Variants in MOXD1 observed in about 807,000 individuals in gnomAD.
MOXD1 encodes the protein monooxygenase DBH like 1, also known as DBH-like monooxygenase protein 1.
Under a neutral mutation model 66.6 loss-of-function variants are expected in MOXD1, and 62 were observed. That is an observed-to-expected ratio of 0.93 (90% CI 0.76 to 1.15). MOXD1 has a LOEUF of 1.15. MOXD1 is among the 50% of genes most tolerant of loss of function. The pLI is 0.00. For missense variants in MOXD1, 847 were observed against 754.6 expected (o/e 1.12, Z -1.44); for synonymous variants, 303 against 281.9 (o/e 1.07, Z -0.75).
chr6:132,340,355 A>G (rs1582581881), intron 4 of MOXD1, among the ~76,000 whole-genome samples: 2 of 152,016 alleles, frequency 1.3e-5, no homozygotes, highest in Non-Finnish European at 2.9e-5. Context: ...CAGACAAGCA[A>G]CGAAGGCTGA....
chr6:132,369,268 T>C (rs1229343542), intron 4 of MOXD1, among the ~76,000 whole-genome samples: 1 of 152,102 alleles, frequency 6.6e-6, no homozygotes, highest in East Asian at 1.9e-4. Context: ...TGCGGCACGT[T>C]GCTGTCAATC....
chr6:132,389,184 A>G (rs1776707791), intron 1 of MOXD1, among the ~76,000 whole-genome samples: 1 of 151,360 alleles, frequency 6.6e-6, no homozygotes, highest in African/African-American at 2.4e-5. Flanking sequence ...GATTATAAGC[A>G]TGAGCCACTG....
At chr6:132,398,583 G>A (rs904171018) in intron 1 of MOXD1, among the ~76,000 whole-genome samples, 4 of 151,906 alleles carry the variant, frequency 2.6e-5, no homozygotes, top group African/African-American at 9.7e-5. Flanking sequence ...TGTTGTTCTC[G>A]CCGGGAGCAA....
chr6:132,314,536 A>G (rs1399453544), intron 10 of MOXD1, among the ~76,000 whole-genome samples: 1 of 152,216 alleles, frequency 6.6e-6, no homozygotes, highest in African/African-American at 2.4e-5. Flanking sequence ...GTCCTCACTT[A>G]TTCTCTACCA....
At position 132,297,122 on chromosome 6, in the gene MOXD1, G is replaced by GA; in HGVS notation, c.*30dup. ...CTTCAAATGACAGGTTCAGATCATA[G>GA]AAAACATTGTCAAGTCCAACAGAAT... On this transcript the variant is annotated 3_prime_UTR_variant, in exon 12 of 12. Coordinates refer to ENST00000367963, the MANE Select transcript of MOXD1 (RefSeq NM_015529.4). The GA allele has an allele frequency of 6.2e-7, 1 of 1,607,570 alleles. No individual in the cohort carries two copies. The highest frequency in any genetic ancestry group is 8.5e-7 in the Non-Finnish European group (1 of 1,175,454).
Position 132,401,386 on chromosome 6 carries a change from G to T in MOXD1, c.41C>A (p.Pro14His). The T allele has an allele frequency of 6.5e-7, 1 of 1,537,852 alleles. No individual in the cohort carries two copies. Among genetic ancestry groups the T allele is most frequent in the Non-Finnish European group, 8.7e-7 (1 of 1,147,878 alleles). ...WPLLLLWGLL[P>H]GTAAGGSGRT... is the part of the protein sequence containing the mutation. ...GCCCGAGCCCCCCGCCGCCGTCCCG[G>T]GGAGCAGCCCCCACAGCAGGAGCAG... is the stretch of plus-strand genomic sequence containing the variant. Residue 14 changes from proline to histidine, a missense_variant, in exon 1 of 12, where the codon CCC becomes CAC. By Grantham distance (77) the Pro-to-His change is moderately conservative (BLOSUM62 -2). Coordinates refer to ENST00000367963, the MANE Select transcript of MOXD1 (RefSeq NM_015529.4).
intron 1 of MOXD1, chr6:132,392,096 A>C: frequency 7.5e-7 from 1 of 1,341,068 alleles, no homozygotes; most frequent in East Asian, 2.6e-5. Context: ...CAGCCTTTCA[A>C]TTTGCTTTCC....
intron 9 of MOXD1, 112 bp downstream of exon 9, chr6:132,320,517 T>C (rs1775055521): frequency 2.2e-6 from 2 of 921,238 alleles, no homozygotes. Flanking sequence ...ATACTCAAGA[T>C]TTTTAGAACT....
intron 4 of MOXD1, among the ~76,000 whole-genome samples, chr6:132,362,860 A>G (rs1006360820): frequency 2.0e-5 from 3 of 152,158 alleles, no homozygotes; most frequent in Non-Finnish European, 2.9e-5. Context: ...TTTAACATGA[A>G]GCCTTTTTGC....
At chr6:132,324,883 T>C (rs1775153858) in intron 6 of MOXD1, among the ~76,000 whole-genome samples, 1 of 151,784 alleles carries the variant, frequency 6.6e-6, no homozygotes, top group Admixed American at 6.6e-5. Flanking sequence ...CTATTTCTAG[T>C]CAATCATTTT....
At chr6:132,373,211 A>G (rs1005894725) in intron 2 of MOXD1, among the ~76,000 whole-genome samples, 2 of 152,204 alleles carry the variant, frequency 1.3e-5, no homozygotes, top group Admixed American at 1.3e-4. Flanking sequence ...GGAAGGAATC[A>G]TCTCTCAGCA....
Position 132,327,928 on chromosome 6 carries a change from A to G in MOXD1, c.946+85T>C. ...TTAATTCCTTCTAACACTGGCTGCT[A>G]TTTTGTTTCAACTCTGTTAAAGACT... On this transcript the variant is annotated intron_variant, in intron 6 of 11. Transcript: ENST00000367963. 2.9e-6 allele frequency: 3 copies of G among 1,030,376 alleles called. No individual in the cohort carries two copies. In the East Asian group the frequency reaches 7.2e-5, roughly 25 times the overall value. 63.8% of individuals were successfully genotyped at this position (1,030,376 alleles called of 1,614,324 possible). A position where few individuals can be genotyped will look rare whatever the true frequency, so the allele number is the denominator to read the frequency against.
intron 4 of MOXD1, among the ~76,000 whole-genome samples, chr6:132,349,450 T>TAC (rs143469577): frequency 5.5e-5 from 3 of 54,610 alleles, no homozygotes; most frequent in African/African-American, 4.5e-4. Flanking sequence ...TATATATATA[T>TAC]ACATATATAT....
intron 4 of MOXD1, among the ~76,000 whole-genome samples, chr6:132,342,684 C>T (rs1212055827): frequency 4.6e-5 from 7 of 152,164 alleles, no homozygotes; most frequent in Admixed American, 4.6e-4. Context: ...TTAGTTTAAC[C>T]TGTATTTCAA....
intron 2 of MOXD1, 90 bp from the exon 3 acceptor site, chr6:132,373,087 TATA>T: frequency 4.0e-6 from 5 of 1,242,924 alleles, no homozygotes; most frequent in Non-Finnish European, 4.4e-6. Flanking sequence ...GTAAACAAGA[TATA>T]GAAGTGAAGA....
intron 4 of MOXD1, among the ~76,000 whole-genome samples, chr6:132,337,344 G>T (rs1775461440): frequency 6.6e-6 from 1 of 152,108 alleles, no homozygotes; most frequent in Non-Finnish European, 1.5e-5. Context: ...CTTCACATTG[G>T]AACATTGCCA....
chr6:132,397,702 A>G (rs1019267463), intron 1 of MOXD1, among the ~76,000 whole-genome samples: 4 of 146,992 alleles, frequency 2.7e-5, no homozygotes, highest in Admixed American at 6.8e-5. Flanking sequence ...AAGAAAGAAA[A>G]AGAAAGAGTA....
chr6:132,390,167 G>C (rs777783255), intron 1 of MOXD1, among the ~76,000 whole-genome samples: 12 of 151,430 alleles, frequency 7.9e-5, no homozygotes, highest in Non-Finnish European at 1.6e-4. Flanking sequence ...AAATAGAAAA[G>C]AGAGCTCATG....
chr6:132,357,439 T>C (rs1338942936), intron 4 of MOXD1, among the ~76,000 whole-genome samples: 6 of 152,086 alleles, frequency 3.9e-5, no homozygotes, highest in Non-Finnish European at 5.9e-5. Context: ...ACAAATCAGG[T>C]TCATCTGGCA....
Sources: allele counts gnomAD v4.1 joint callset (sites outside exome capture counted in the v4.1 genomes callset), GRCh38; gene constraint gnomAD v4.1.1; transcripts MANE v1.5; gene names NCBI Gene and HGNC (gene_info 2026-07-23, HGNC 2026-07-21).